HIP1: variants seen among roughly 807,000 people sequenced by gnomAD.
The protein encoded by HIP1 is huntingtin-interacting protein 1.
HIP1 carries 65 observed loss-of-function variants against 147.6 expected under a neutral mutation model. The ratio of observed to expected loss-of-function variants is 0.44; its 90% CI spans 0.36 to 0.54. The LOEUF (loss-of-function observed/expected upper bound fraction) is 0.54, where lower values mean the gene tolerates loss of function less well. Among genes scored for constraint, HIP1 ranks in the 20% least tolerant of loss-of-function variants. HIP1 has a pLI of 0.00. For missense variants in HIP1, 1,061 were observed against 1,299.6 expected, an observed-to-expected ratio of 0.82 and a Z score of 2.82; for synonymous variants, 479 against 504.0, an observed-to-expected ratio of 0.95 and a Z score of 0.67.
intron 1 of HIP1, among the ~76,000 whole-genome samples, chr7:75,655,221 G>T (rs1436224908): frequency 1.3e-5 from 2 of 152,130 alleles, no homozygotes; most frequent in Non-Finnish European, 2.9e-5. Context: ...GCCATAGAAA[G>T]GAATGAGGTT....
At chr7:75,551,005 G>A (rs1268686181) in intron 22 of HIP1, among the ~76,000 whole-genome samples, 1 of 151,950 alleles carries the variant, frequency 6.6e-6, no homozygotes, top group Non-Finnish European at 1.5e-5. Context: ...TGAATTAAGC[G>A]ATATTCACAC....
intron 6 of HIP1, among the ~76,000 whole-genome samples, chr7:75,581,774 C>T (rs1796061294): frequency 6.6e-6 from 1 of 151,962 alleles, no homozygotes; most frequent in Non-Finnish European, 1.5e-5. Context: ...GCAAGACTGC[C>T]TCTCAAAAAA....
intron 2 of HIP1, among the ~76,000 whole-genome samples, chr7:75,598,882 C>T (rs1054502695): frequency 8.5e-5 from 13 of 152,126 alleles, no homozygotes; most frequent in East Asian, 1.9e-4. Flanking sequence ...CTGGGCAACA[C>T]GGCAAGACCC....
intron 1 of HIP1, among the ~76,000 whole-genome samples, chr7:75,683,769 G>A (rs1203335791): frequency 6.6e-6 from 1 of 152,190 alleles, no homozygotes; most frequent in East Asian, 1.9e-4. Context: ...GTCTGTTCTG[G>A]TCTCTGAAGT....
intron 1 of HIP1, among the ~76,000 whole-genome samples, chr7:75,691,276 G>A (rs1404461735): frequency 2.0e-5 from 3 of 151,536 alleles, no homozygotes; most frequent in Non-Finnish European, 4.4e-5. Flanking sequence ...ATCGCTTGAG[G>A]TCAGGATTTC....
At chr7:75,549,319 G>A (rs1237838181) in intron 22 of HIP1, among the ~76,000 whole-genome samples, 3 of 151,868 alleles carry the variant, frequency 2.0e-5, no homozygotes. Flanking sequence ...TAGCTACACA[G>A]GAGGTATTTT....
At chr7:75,579,046 C>A (rs1747037670) in intron 7 of HIP1, among the ~76,000 whole-genome samples, 1 of 151,996 alleles carries the variant, frequency 6.6e-6, no homozygotes, top group Non-Finnish European at 1.5e-5. Flanking sequence ...TCTTGAACTC[C>A]TGACCTCATG....
At chr7:75,555,776 G>A (rs1469860884) in intron 18 of HIP1, among the ~76,000 whole-genome samples, 1 of 151,892 alleles carries the variant, frequency 6.6e-6, no homozygotes, top group Non-Finnish European at 1.5e-5. Flanking sequence ...CACTGCGCCC[G>A]CTTCTCATGG....
intron 1 of HIP1, among the ~76,000 whole-genome samples, chr7:75,685,878 T>C (rs62477561): frequency 0.21 from 31,153 of 151,242 alleles, 3,513 homozygotes; most frequent in Middle Eastern, 0.37. Context: ...AAATAGCTTA[T>C]TCTGCCTGTG....
At chr7:75,567,186 G>A (rs1479781872) in intron 9 of HIP1, among the ~76,000 whole-genome samples, 1 of 147,584 alleles carries the variant, frequency 6.8e-6, no homozygotes, top group African/African-American at 2.5e-5. Flanking sequence ...TTTTTTTTGA[G>A]AAAACCTAAA....
At chr7:75,593,629 CAAA>C (rs34062007) in intron 2 of HIP1, among the ~76,000 whole-genome samples, 1 of 72,252 alleles carries the variant, frequency 1.4e-5, no homozygotes, top group Admixed American at 1.6e-4. Context: ...GACTCCATCT[CAAA>C]AAAAAAAAAA....
intron 15 of HIP1, 52 bp from the exon 16 acceptor site, chr7:75,557,822 A>C: frequency 1.5e-6 from 2 of 1,338,810 alleles, no homozygotes; most frequent in South Asian, 2.3e-5. Context: ...CTTAGAGGAC[A>C]TCCTCCTTCT....
chr7:75,709,109 C>CTTTTTTTTTTT (rs55720152), intron 1 of HIP1, among the ~76,000 whole-genome samples: 43 of 131,384 alleles, frequency 3.3e-4, no homozygotes, highest in Non-Finnish European at 5.2e-4. Flanking sequence ...TTTTTCTTTT[C>CTTTTTTTTTTT]TTTTTTTTTT....
chr7:75,554,253 C>T lies in HIP1; in HGVS notation c.2051-33G>A, dbSNP rs587608417. 2.6e-6 allele frequency: 4 copies of T among 1,568,592 alleles called. No homozygotes were observed. In the South Asian group the frequency reaches 4.5e-5, roughly 18 times the overall value. ...GATTGGAAAGAGAAGTTTCTCAGGT[C>T]TGGTTGATGGTGACACTTTCATACC... is the stretch of plus-strand genomic sequence containing the variant. On this transcript the variant is annotated intron_variant, in intron 20 of 30. Coordinates refer to ENST00000336926, the MANE Select transcript of HIP1 (RefSeq NM_005338.7).
At position 75,538,154 on chromosome 7, in the gene HIP1, T is replaced by G. The variant is rs376901000; in HGVS notation, c.*18A>C. 777 of 1,597,014 alleles carry G rather than the reference T, an allele frequency of 4.9e-4. No individual in the cohort carries two copies. The highest frequency in any genetic ancestry group is 6.1e-4 in the Non-Finnish European group (712 of 1,164,680). On this transcript the variant is annotated 3_prime_UTR_variant, in exon 31 of 31. Transcript: ENST00000336926. ...GGTAACAAGGATTTACACTGACATA[T>G]GGGGTGTTGGTTTGGCTCTATTCTT...
intron 1 of HIP1, among the ~76,000 whole-genome samples, chr7:75,673,310 A>T (rs548011682): frequency 6.6e-6 from 1 of 152,230 alleles, no homozygotes; most frequent in Admixed American, 6.5e-5. Context: ...GGGGTGAACC[A>T]CTGAGCCCGG....
intron 1 of HIP1, among the ~76,000 whole-genome samples, chr7:75,730,748 T>G (rs1291425674): frequency 6.6e-6 from 1 of 151,458 alleles, no homozygotes; most frequent in Non-Finnish European, 1.5e-5. Context: ...TTTTTTTTTT[T>G]TTGAGACAAG....
At chr7:75,681,405 C>T (rs1312822420) in intron 1 of HIP1, among the ~76,000 whole-genome samples, 1 of 151,738 alleles carries the variant, frequency 6.6e-6, no homozygotes, top group East Asian at 1.9e-4. Context: ...AATTCCCACT[C>T]GTCCTTTGGA....
At chr7:75,725,985 TTTTG>T (rs150094164) in intron 1 of HIP1, among the ~76,000 whole-genome samples, 2,095 of 151,728 alleles carry the variant, frequency 0.014, 45 homozygotes, top group African/African-American at 0.047. Context: ...CATGCCCAGT[TTTTG>T]TTTGTTTGTT....
Sources: allele counts gnomAD v4.1 joint callset (sites outside exome capture counted in the v4.1 genomes callset), GRCh38; gene constraint gnomAD v4.1.1; transcripts MANE v1.5; gene names NCBI Gene and HGNC (gene_info 2026-07-23, HGNC 2026-07-21).